The following TENM3 variants were observed in gnomAD, a reference collection of about 807,000 sequenced individuals.
The protein encoded by TENM3 is teneurin-3.
TENM3 carries 63 observed loss-of-function variants against 255.1 expected under a neutral mutation model. That is an observed-to-expected ratio of 0.25 (90% CI 0.20 to 0.30). The LOEUF is 0.30. TENM3 is among the 10% of genes least tolerant of loss of function. The pLI is 1.00. For synonymous variants in TENM3, 1,306 were observed against 1,322.3 expected, an observed-to-expected ratio of 0.99 and a Z score of 0.27; for missense variants, 2,929 against 3,461.1, an observed-to-expected ratio of 0.85 and a Z score of 3.86.
intron 3 of TENM3, among the ~76,000 whole-genome samples, chr4:182,398,396 A>G (rs911542694): frequency 5.9e-5 from 9 of 152,094 alleles, no homozygotes; most frequent in Admixed American, 2.6e-4. Context: ...AATTACCACA[A>G]CTTTTTCTCT....
chr4:181,891,459 C>T, the TENM3 span, among the ~76,000 whole-genome samples: 1 of 152,170 alleles, frequency 6.6e-6, no homozygotes, highest in African/African-American at 2.4e-5. Context: ...CCCTCCTTCA[C>T]AACCTCTTCC....
the TENM3 span, among the ~76,000 whole-genome samples, chr4:181,945,106 G>A: frequency 8.5e-5 from 10 of 118,222 alleles, no homozygotes; most frequent in African/African-American, 3.5e-4. Context: ...GGTTTGGGGA[G>A]GGAAGTAATT....
At chr4:182,637,242 C>T (rs1751921805) in intron 5 of TENM3, among the ~76,000 whole-genome samples, 1 of 152,080 alleles carries the variant, frequency 6.6e-6, no homozygotes, top group South Asian at 2.1e-4. Context: ...AATAAAGATA[C>T]AAATATCAAA....
Position 182,550,917 on chromosome 4 carries a change from T to G in TENM3, c.512-50007T>G, listed in dbSNP as rs541185490. Among the ~76,000 whole-genome samples the G allele has an allele frequency of 8.5e-5, 13 of 152,196 alleles. No homozygotes were observed. In the South Asian group the frequency reaches 2.7e-3, roughly 32 times the overall value. ...TAAACCAGTTGGGAGATGATTTAGT[T>G]TCTGTCACAAAAAAAATCCTTGGCT... is the stretch of plus-strand genomic sequence containing the variant. On this transcript the variant is annotated intron_variant, in intron 3 of 27. Coordinates refer to ENST00000511685, the MANE Select transcript of TENM3 (RefSeq NM_001080477.4).
At chr4:181,927,862 C>T in the TENM3 span, among the ~76,000 whole-genome samples, 1 of 152,156 alleles carries the variant, frequency 6.6e-6, no homozygotes, top group African/African-American at 2.4e-5. Context: ...TCTGCAGCCT[C>T]GTCTGGTGAT....
At chr4:181,836,314 G>C in the TENM3 span, among the ~76,000 whole-genome samples, 1 of 151,886 alleles carries the variant, frequency 6.6e-6, no homozygotes, top group Non-Finnish European at 1.5e-5. Context: ...TGAAATTATA[G>C]CCATTTCTAA....
chr4:182,175,432 C>G (rs932398463), intron 1 of TENM3, among the ~76,000 whole-genome samples: 3 of 151,556 alleles, frequency 2.0e-5, no homozygotes, highest in African/African-American at 7.3e-5. Flanking sequence ...TTTCATTTAT[C>G]CACTGCGTAA....
chr4:182,467,146 G>C (rs1307690408), intron 3 of TENM3, among the ~76,000 whole-genome samples: 2 of 152,028 alleles, frequency 1.3e-5, no homozygotes, highest in African/African-American at 2.4e-5. Flanking sequence ...TCTAGTTGTG[G>C]CACTCAAAAT....
the TENM3 span, among the ~76,000 whole-genome samples, chr4:181,903,548 T>C: frequency 6.6e-6 from 1 of 152,260 alleles, no homozygotes; most frequent in Non-Finnish European, 1.5e-5. Flanking sequence ...ACGGAACACA[T>C]CATCCCTAAT....
chr4:182,607,631 A>G (rs1321224359), intron 4 of TENM3, among the ~76,000 whole-genome samples: 1 of 152,218 alleles, frequency 6.6e-6, no homozygotes, highest in Admixed American at 6.5e-5. Context: ...TGTGCATGAT[A>G]AAAGTACTGT....
intron 1 of TENM3, among the ~76,000 whole-genome samples, chr4:182,283,463 T>C (rs1054984732): frequency 3.9e-5 from 6 of 152,210 alleles, no homozygotes; most frequent in Non-Finnish European, 8.8e-5. Context: ...AACATTCATC[T>C]TTTGGATGAA....
intron 3 of TENM3, among the ~76,000 whole-genome samples, chr4:182,475,657 T>C (rs1280484576): frequency 1.3e-5 from 2 of 152,244 alleles, no homozygotes; most frequent in Non-Finnish European, 2.9e-5. Context: ...TACATACTTC[T>C]TTATTCAGTT....
intron 3 of TENM3, among the ~76,000 whole-genome samples, chr4:182,600,570 T>TA (rs530567121): frequency 3.1e-4 from 47 of 152,214 alleles, no homozygotes; most frequent in African/African-American, 1.1e-3. Flanking sequence ...GTTGGTTTGT[T>TA]AAAAAAAGCT....
At chr4:182,008,021 T>C in the TENM3 span, among the ~76,000 whole-genome samples, 1 of 152,196 alleles carries the variant, frequency 6.6e-6, no homozygotes, top group Non-Finnish European at 1.5e-5. Flanking sequence ...GGTTAAAAAT[T>C]CTTTTCTTTA....
intron 6 of TENM3, among the ~76,000 whole-genome samples, chr4:182,663,653 CAAAA>C (rs1411280897): frequency 1.3e-5 from 2 of 151,970 alleles, no homozygotes; most frequent in African/African-American, 2.4e-5. Flanking sequence ...TGAATATAAA[CAAAA>C]GAAATCTTGC....
At chr4:182,590,707 T>C (rs1038194558) in intron 3 of TENM3, among the ~76,000 whole-genome samples, 2 of 151,478 alleles carry the variant, frequency 1.3e-5, no homozygotes, top group Admixed American at 1.3e-4. Context: ...ATACAAAACT[T>C]AGCTGGGCGT....
At chr4:182,573,312 A>T (rs923100950) in intron 3 of TENM3, among the ~76,000 whole-genome samples, 1 of 152,214 alleles carries the variant, frequency 6.6e-6, no homozygotes, top group Non-Finnish European at 1.5e-5. Flanking sequence ...TTTTATATTG[A>T]CAACATAAAT....
chr4:181,520,052 C>A, the TENM3 span, among the ~76,000 whole-genome samples: 3 of 152,200 alleles, frequency 2.0e-5, no homozygotes, highest in Non-Finnish European at 4.4e-5. Context: ...CCACTGAAGT[C>A]ATTTTAGGTT....
rs532279158 is a variant in TENM3 at position 182,514,756 on chromosome 4, A to C, written c.512-86168A>C. Among the ~76,000 whole-genome samples, 521 of 152,294 alleles carry C rather than the reference A, an allele frequency of 3.4e-3. 3 individuals carry two copies. Among genetic ancestry groups the C allele is most frequent in the African/African-American group, 0.012 (496 of 41,574 alleles). On this transcript the variant is annotated intron_variant, in intron 3 of 27. Coordinates refer to ENST00000511685, the MANE Select transcript of TENM3 (RefSeq NM_001080477.4). ...ACACTGATCTGGAGCATTAAAAAAA[A>C]ACTCAGACTTGGAGAGATTTAGAAG... is the stretch of plus-strand genomic sequence containing the variant.
Sources: gnomAD v4.1 joint callset for allele counts (sites outside exome capture counted in the v4.1 genomes callset) on GRCh38, gnomAD v4.1.1 for gene constraint, MANE v1.5 for transcripts, NCBI Gene and HGNC (gene_info 2026-07-23, HGNC 2026-07-21) for gene names.